The following XYLT1 variants were observed in gnomAD, a reference collection of about 807,000 sequenced individuals.
XYLT1 encodes beta-D-xylosyltransferase 1.
XYLT1 carries 36 observed loss-of-function variants against 91.3 expected under a neutral mutation model. The observed-to-expected ratio is 0.39, with a 90% CI of 0.30 to 0.52. XYLT1 has a LOEUF of 0.52. Among genes scored for constraint, XYLT1 ranks in the 20% least tolerant of loss-of-function variants. The pLI, the probability that XYLT1 is intolerant of heterozygous loss-of-function variation, is 0.68. For missense variants in XYLT1, 1,242 were observed against 1,284.5 expected, an observed-to-expected ratio of 0.97 and a Z score of 0.51; for synonymous variants, 588 against 532.0, an observed-to-expected ratio of 1.11 and a Z score of -1.45.
At chr16:17,159,991 T>A (rs1170870168) in intron 5 of XYLT1, among the ~76,000 whole-genome samples, 2 of 152,156 alleles carry the variant, frequency 1.3e-5, no homozygotes, top group Admixed American at 1.3e-4. Flanking sequence ...TTGTTTCAAA[T>A]GGGAGGAACA....
intron 2 of XYLT1, among the ~76,000 whole-genome samples, chr16:17,310,050 C>A (rs1007096349): frequency 5.3e-5 from 8 of 152,204 alleles, no homozygotes; most frequent in Admixed American, 5.2e-4. Flanking sequence ...ATTGAAACTT[C>A]TGGGACCTGA....
At chr16:17,236,883 A>G (rs2033258026) in intron 3 of XYLT1, among the ~76,000 whole-genome samples, 1 of 152,190 alleles carries the variant, frequency 6.6e-6, no homozygotes, top group Non-Finnish European at 1.5e-5. Flanking sequence ...TTAACTTGAT[A>G]ATTTGCAAAG....
intron 3 of XYLT1, among the ~76,000 whole-genome samples, chr16:17,208,237 C>CCTTTGA (rs2032693016): frequency 6.6e-6 from 1 of 151,250 alleles, no homozygotes; most frequent in Admixed American, 6.6e-5. Flanking sequence ...CCTCCCTTAG[C>CCTTTGA]CTCCCAAAGT....
chr16:17,451,448 C>T (rs1267024977), intron 1 of XYLT1, among the ~76,000 whole-genome samples: 1 of 152,306 alleles, frequency 6.6e-6, no homozygotes, highest in South Asian at 2.1e-4. Context: ...TCCCCTCCAT[C>T]GGAACCTGAG....
At chr16:17,282,311 T>C (rs2034070208) in intron 2 of XYLT1, among the ~76,000 whole-genome samples, 1 of 151,908 alleles carries the variant, frequency 6.6e-6, no homozygotes, top group Non-Finnish European at 1.5e-5. Context: ...CGAACAACTG[T>C]ACTACAATGC....
chr16:17,399,236 C>T (rs1014914394), intron 1 of XYLT1, among the ~76,000 whole-genome samples: 64 of 152,264 alleles, frequency 4.2e-4, no homozygotes, highest in African/African-American at 1.4e-3. Context: ...CACTGGGAAG[C>T]ATGGCAACGG....
At chr16:17,128,667 A>G (rs535691632) in intron 9 of XYLT1, among the ~76,000 whole-genome samples, 1 of 152,202 alleles carries the variant, frequency 6.6e-6, no homozygotes, top group Admixed American at 6.5e-5. Context: ...CATACATGCA[A>G]AAGTGGTTTG....
chr16:17,295,817 C>G (rs1023239325), intron 2 of XYLT1, among the ~76,000 whole-genome samples: 9 of 152,096 alleles, frequency 5.9e-5, no homozygotes, highest in Non-Finnish European at 8.8e-5. Context: ...ACAGGACGAC[C>G]CTCCACAACT....
At chr16:17,204,640 G>T (rs1400101940) in intron 3 of XYLT1, among the ~76,000 whole-genome samples, 1 of 152,126 alleles carries the variant, frequency 6.6e-6, no homozygotes, top group Non-Finnish European at 1.5e-5. Context: ...TTCTGTGCAT[G>T]ATTTTATTCA....
At chr16:17,162,333 T>C (rs1038475136) in intron 5 of XYLT1, among the ~76,000 whole-genome samples, 4 of 150,560 alleles carry the variant, frequency 2.7e-5, no homozygotes, top group Non-Finnish European at 5.9e-5. Context: ...TTGCTTGAAC[T>C]TGGGAAGTGG....
intron 5 of XYLT1, chr16:17,193,574 G>A (rs947576361): frequency 2.0e-5 from 3 of 152,268 alleles, no homozygotes; most frequent in African/African-American, 7.2e-5. Flanking sequence ...TCAAATCACA[G>A]AGCAGCTCAC....
At chr16:17,357,190 A>AAAC (rs1555499821) in intron 2 of XYLT1, among the ~76,000 whole-genome samples, 1 of 146,472 alleles carries the variant, frequency 6.8e-6, no homozygotes, top group Non-Finnish European at 1.5e-5. Context: ...AAAAAAAAAA[A>AAAC]AAAAAAAAAC....
At chr16:17,433,720 C>T (rs928172783) in intron 1 of XYLT1, among the ~76,000 whole-genome samples, 4 of 152,140 alleles carry the variant, frequency 2.6e-5, no homozygotes, top group African/African-American at 4.8e-5. Context: ...TGGGCTCCAG[C>T]GAGGGACTTA....
rs546677535 is a variant in XYLT1, at chr16:17,426,732, T to C, written c.363+43702A>G. Among the ~76,000 whole-genome samples, 10 of 152,224 alleles carry C rather than the reference T, an allele frequency of 6.6e-5. No homozygotes were observed. In the South Asian group the frequency reaches 1.9e-3, roughly 28 times the overall value. ...CCCAACAATGGCAGAGCTGAGTAGG[T>C]TTAACAGAGACCCTATGGCCCATAA... On this transcript the variant is annotated intron_variant, in intron 1 of 11. Transcript: ENST00000261381.
At chr16:17,161,443 C>G (rs2031549323) in intron 5 of XYLT1, among the ~76,000 whole-genome samples, 1 of 152,144 alleles carries the variant, frequency 6.6e-6, no homozygotes, top group South Asian at 2.1e-4. Context: ...GCCTACCCCC[C>G]TTGCTAGGGT....
intron 2 of XYLT1, among the ~76,000 whole-genome samples, chr16:17,279,044 A>C (rs776136779): frequency 1.3e-5 from 2 of 152,248 alleles, no homozygotes; most frequent in Non-Finnish European, 2.9e-5. Flanking sequence ...CAGGCATTCA[A>C]GGATTTCATG....
chr16:17,433,247 A>G (rs1305603261), intron 1 of XYLT1, among the ~76,000 whole-genome samples: 1 of 152,186 alleles, frequency 6.6e-6, no homozygotes, highest in Non-Finnish European at 1.5e-5. Context: ...CACCCCGAAA[A>G]GTGACTCTTT....
intron 5 of XYLT1, among the ~76,000 whole-genome samples, chr16:17,167,877 G>A (rs530740433): frequency 1.3e-5 from 2 of 152,106 alleles, no homozygotes; most frequent in African/African-American, 2.4e-5. Context: ...CTTCCATCTC[G>A]TGAATGGATT....
At chr16:17,335,291 A>G (rs2034963529) in intron 2 of XYLT1, among the ~76,000 whole-genome samples, 1 of 152,174 alleles carries the variant, frequency 6.6e-6, no homozygotes, top group African/African-American at 2.4e-5. Context: ...GTTAACCAAC[A>G]TATGAGGCAG....
Sources: allele counts gnomAD v4.1 joint callset (sites outside exome capture counted in the v4.1 genomes callset), GRCh38; gene constraint gnomAD v4.1.1; transcripts MANE v1.5; gene names NCBI Gene and HGNC (gene_info 2026-07-23, HGNC 2026-07-21).